NOX4: variants seen among roughly 807,000 people sequenced by gnomAD.
NOX4 encodes NADPH oxidase 4, also known as kidney oxidase-1.
Under a neutral mutation model 87.6 loss-of-function variants are expected in NOX4, and 69 were observed. That is an observed-to-expected ratio of 0.79 (90% CI 0.65 to 0.96). The LOEUF (loss-of-function observed/expected upper bound fraction) is 0.96. Ranked by LOEUF, NOX4 falls within the 40% of genes least tolerant of loss-of-function variation. The pLI, the probability that NOX4 is intolerant of heterozygous loss-of-function variation, is 0.00. For missense variants in NOX4, 680 were observed against 681.5 expected (o/e 1.00, Z 0.02); for synonymous variants, 275 against 238.2 (o/e 1.15, Z -1.42).
At chr11:89,333,959 C>T (rs913905480) in intron 17 of NOX4, among the ~76,000 whole-genome samples, 4 of 151,586 alleles carry the variant, frequency 2.6e-5, no homozygotes, top group African/African-American at 4.8e-5. Flanking sequence ...AACAAACTAC[C>T]AAATATATAC....
the NOX4 span, among the ~76,000 whole-genome samples, chr11:89,586,122 C>A: frequency 1.3e-5 from 2 of 151,938 alleles, no homozygotes; most frequent in African/African-American, 4.8e-5. Flanking sequence ...TCTCTCACTA[C>A]AACCTCCTTT....
the NOX4 span, among the ~76,000 whole-genome samples, chr11:89,540,212 G>T: frequency 0.41 from 61,845 of 151,938 alleles, 13,304 homozygotes; most frequent in African/African-American, 0.54. Flanking sequence ...ACTTAGTCCA[G>T]AACAATTCTG....
At chr11:89,508,431 T>G in the NOX4 span, among the ~76,000 whole-genome samples, 1 of 152,072 alleles carries the variant, frequency 6.6e-6, no homozygotes, top group Non-Finnish European at 1.5e-5. Context: ...AATATTTCTT[T>G]TCTTGAGCCT....
the NOX4 span, among the ~76,000 whole-genome samples, chr11:89,519,787 C>T: frequency 6.6e-6 from 1 of 151,974 alleles, no homozygotes; most frequent in Admixed American, 6.6e-5. Flanking sequence ...AGAGTCTCAC[C>T]AATATCAGGT....
At chr11:89,500,999 T>C (rs532557896), upstream of NOX4, among the ~76,000 whole-genome samples, 1 of 152,204 alleles carries the variant, frequency 6.6e-6, no homozygotes, top group Admixed American at 6.5e-5. Flanking sequence ...TAGAAAGTGA[T>C]GTCCTTTGAT....
chr11:89,423,377 T>C (rs1268359327), intron 7 of NOX4, among the ~76,000 whole-genome samples: 1 of 145,952 alleles, frequency 6.9e-6, no homozygotes. Context: ...CCCATTTCTA[T>C]AGAGTATTTT....
chr11:89,468,231 T>A (rs1325786706), intron 2 of NOX4, among the ~76,000 whole-genome samples: 1 of 152,170 alleles, frequency 6.6e-6, no homozygotes, highest in Non-Finnish European at 1.5e-5. Flanking sequence ...TCTCTGTAAC[T>A]TCCACCCACA....
At chr11:89,434,705 T>C (rs1400037550) in intron 6 of NOX4, among the ~76,000 whole-genome samples, 1 of 152,054 alleles carries the variant, frequency 6.6e-6, no homozygotes. Context: ...TAAACGACTC[T>C]GATATTCATC....
upstream of NOX4, among the ~76,000 whole-genome samples, chr11:89,495,798 C>T (rs2135507421): frequency 6.6e-6 from 1 of 152,242 alleles, no homozygotes; most frequent in South Asian, 2.1e-4. Context: ...TGATAGAATT[C>T]AGTAAGATTT....
upstream of NOX4, chr11:89,498,799 C>T (rs1222101794): frequency 6.6e-6 from 1 of 152,278 alleles, no homozygotes; most frequent in Non-Finnish European, 1.5e-5. Context: ...GGATAACACA[C>T]AGGATTGTGC....
At chr11:89,397,189 G>A (rs1941551431) in intron 11 of NOX4, among the ~76,000 whole-genome samples, 2 of 152,130 alleles carry the variant, frequency 1.3e-5, no homozygotes, top group Non-Finnish European at 2.9e-5. Context: ...CAACTACATG[G>A]AAACTGAACA....
At chr11:89,477,225 T>TG (rs1946202142) in intron 2 of NOX4, among the ~76,000 whole-genome samples, 1 of 152,224 alleles carries the variant, frequency 6.6e-6, no homozygotes, top group East Asian at 1.9e-4. Context: ...TGGTCCTATC[T>TG]GGGGGGTGAC....
chr11:89,536,022 C>T, the NOX4 span, among the ~76,000 whole-genome samples: 1 of 152,022 alleles, frequency 6.6e-6, no homozygotes, highest in Non-Finnish European at 1.5e-5. Flanking sequence ...CAATATGCTC[C>T]CGGGGTTTTC....
upstream of NOX4, among the ~76,000 whole-genome samples, chr11:89,499,573 A>T (rs1946996094): frequency 6.6e-6 from 1 of 152,212 alleles, no homozygotes; most frequent in Non-Finnish European, 1.5e-5. Flanking sequence ...GCCTTCAGCC[A>T]AACTTTCCTA....
chr11:89,575,126 T>A, the NOX4 span, among the ~76,000 whole-genome samples: 1 of 151,492 alleles, frequency 6.6e-6, no homozygotes, highest in Non-Finnish European at 1.5e-5. Flanking sequence ...GAGGTTGCAG[T>A]GAGCCAAGAT....
intron 2 of NOX4, among the ~76,000 whole-genome samples, chr11:89,468,100 G>A (rs773894390): frequency 2.6e-5 from 4 of 152,098 alleles, no homozygotes; most frequent in Non-Finnish European, 4.4e-5. Context: ...CCCACCCACT[G>A]TCTAAACCCC....
chr11:89,343,037 T>G (rs1191935839), intron 13 of NOX4, among the ~76,000 whole-genome samples: 1 of 152,032 alleles, frequency 6.6e-6, no homozygotes, highest in Non-Finnish European at 1.5e-5. Flanking sequence ...GCCCCCTCCT[T>G]CCTACTTGTC....
chr11:89,405,115 T>TGTGTGTGTGTGTGTGTGTGGGTG (rs58137988), intron 8 of NOX4, among the ~76,000 whole-genome samples: 1 of 149,912 alleles, frequency 6.7e-6, no homozygotes, highest in Admixed American at 6.7e-5. Context: ...TGTGTGTGTG[T>TGTGTGTGTGTGTGTGTGTGGGTG]TGGAATGGGG....
chr11:89,468,476 T>C (rs1945798501), intron 2 of NOX4, among the ~76,000 whole-genome samples: 1 of 152,206 alleles, frequency 6.6e-6, no homozygotes, highest in South Asian at 2.1e-4. Flanking sequence ...TTACTACGGA[T>C]GCTATCTGCT....
Sources: allele counts gnomAD v4.1 joint callset (sites outside exome capture counted in the v4.1 genomes callset), GRCh38; gene constraint gnomAD v4.1.1; transcripts MANE v1.5; gene names NCBI Gene and HGNC (gene_info 2026-07-23, HGNC 2026-07-21).